Variants in CNTN2 observed in about 807,000 individuals in gnomAD.
CNTN2 encodes the protein contactin 2.
In CNTN2, 53 loss-of-function variants were observed where a neutral mutation model predicts 117.5. That is an observed-to-expected ratio of 0.45 (90% CI 0.36 to 0.57). The LOEUF (loss-of-function observed/expected upper bound fraction) is 0.57, where lower values mean the gene tolerates loss of function less well. CNTN2 is among the 20% of genes least tolerant of loss of function. The pLI, the probability that CNTN2 is intolerant of heterozygous loss-of-function variation, is 0.00. For synonymous variants in CNTN2, 530 were observed against 561.7 expected (o/e 0.94, Z 0.80); for missense variants, 1,106 against 1,404.3 (o/e 0.79, Z 3.39).
At chr1:205,067,316 A>T in intron 16 of CNTN2, 66 bp downstream of exon 16, 2 of 1,539,392 alleles carry the variant, frequency 1.3e-6, no homozygotes, top group South Asian at 2.5e-5. Flanking sequence ...CTTATAGGGA[A>T]TGCCAAGCCA....
intron 1 of CNTN2, among the ~76,000 whole-genome samples, chr1:205,051,495 G>A: frequency 6.6e-6 from 1 of 152,210 alleles, no homozygotes; most frequent in East Asian, 1.9e-4. Flanking sequence ...CGAACTGAGA[G>A]TGGCAAGGAC....
At chr1:205,066,261 A>G (rs1654283098) in intron 14 of CNTN2, 180 bp from the exon 15 acceptor site, 3 of 690,640 alleles carry the variant, frequency 4.3e-6, no homozygotes, top group East Asian at 5.5e-5. Flanking sequence ...TCCACCCAAC[A>G]ACTGGCACCC....
intron 14 of CNTN2, 94 bp downstream of exon 14, chr1:205,066,003 C>T (rs1029104655): frequency 6.9e-7 from 1 of 1,450,358 alleles, no homozygotes; most frequent in Non-Finnish European, 9.2e-7. Flanking sequence ...TCCCTTCCCT[C>T]AAAGCTGCGG....
Position 205,077,746 on chromosome 1 carries a change from C to A in CNTN2, c.*3981C>A, listed in dbSNP as rs144623146. The A allele has an allele frequency of 6.6e-6, 1 of 152,238 alleles. No individual in the cohort carries two copies. Among genetic ancestry groups the A allele is most frequent in the South Asian group, 2.1e-4 (1 of 4,834 alleles). 9.4% of individuals were successfully genotyped at this position (152,238 alleles called of 1,614,324 possible). ...CCTTTGGGGCCTATGACACTTAGTG[C>A]CCTTAGATGGGATACATCTTGCCTC... On this transcript the variant is annotated 3_prime_UTR_variant, in exon 23 of 23. Transcript: ENST00000331830.
Position 205,074,021 on chromosome 1 carries a change from G to A in CNTN2, c.*256G>A. ...TGATGACACTGACGCCTATACCTGA[G>A]CTCTAGGCTGCCTGGAGGGAAGGAA... On this transcript the variant is annotated 3_prime_UTR_variant, in exon 23 of 23. Transcript: ENST00000331830. The A allele has an allele frequency of 1.7e-6, 1 of 589,242 alleles. No individual in the cohort carries two copies. Among genetic ancestry groups the A allele is most frequent in the South Asian group, 2.2e-5 (1 of 46,306 alleles). The allele number at this position is 589,242 out of a possible 1,614,324, so 36.5% of individuals were successfully genotyped here.
Position 205,058,675 on chromosome 1 carries a change from C to A in CNTN2, c.487+12C>A, listed in dbSNP as rs989881388. On this transcript the variant is annotated intron_variant, in intron 5 of 22. Coordinates refer to ENST00000331830, the MANE Select transcript of CNTN2 (RefSeq NM_005076.5). This position sits in a 1 kb window ranked among gnomAD's most constrained non-coding sequence, Gnocchi z 4.3. ...TGCCCACTACCCAGGTGAGTCCAGA[C>A]CTGGGGCCAGGGTTAGAGAGGGCAC... 9 of 1,608,730 alleles carry A rather than the reference C, an allele frequency of 5.6e-6. No homozygotes were observed. Among genetic ancestry groups the A allele is most frequent in the South Asian group, 5.5e-5 (5 of 90,574 alleles).
chr1:205,069,579 G>A lies in CNTN2; in HGVS notation c.2196+18G>A. On this transcript the variant is annotated intron_variant, in intron 17 of 22. Transcript: ENST00000331830. ...ACTGGACGGTAAGCTGCAAGGGTCA[G>A]ATGTCCTCCTCCTCCTCCCTGACCC... 6.2e-7 allele frequency: 1 copy of A among 1,610,504 alleles called. No homozygotes were observed. The highest frequency in any genetic ancestry group is 8.5e-7 in the Non-Finnish European group (1 of 1,179,624).
Position 205,073,521 on chromosome 1 carries a change from A to T in CNTN2, c.3014-135A>T. On this transcript the variant is annotated intron_variant, in intron 22 of 22. Transcript: ENST00000331830. This position sits in a 1 kb window ranked among gnomAD's most constrained non-coding sequence, Gnocchi z 6.3. ...ACAAAGCACCGTAGGAGTCGGACTG[A>T]GAAGACCACCCAGCCGTCCGCTCCC... 1 of 824,190 alleles carries T rather than the reference A, an allele frequency of 1.2e-6. No individual in the cohort carries two copies. The highest frequency in any genetic ancestry group is 1.6e-5 in the South Asian group (1 of 61,714). The allele number at this position is 824,190 out of a possible 1,614,324, so 51.1% of individuals were successfully genotyped here. A position where few individuals can be genotyped will look rare whatever the true frequency, so the allele number is the denominator to read the frequency against.
rs1339865718 is a variant in CNTN2, at chr1:205,069,976, G to A, written c.2346G>A (p.Thr782=). 3 of 1,613,596 alleles carry A rather than the reference G, an allele frequency of 1.9e-6. No homozygotes were observed. The highest frequency in any genetic ancestry group is 2.5e-6 in the Non-Finnish European group (3 of 1,180,042). Residue 782 remains threonine (T), a synonymous_variant, in exon 18 of 23, where the codon ACG becomes ACA. Transcript: ENST00000331830. ...VYSNESVRPY[T]PFEVKIRSYN... is the part of the protein sequence containing the mutation. ...GCAACGAGAGCGTCCGGCCCTACAC[G>A]CCCTTTGAGGTCAAGATCCGCAGCT...
Position 205,062,502 on chromosome 1 carries a change from C to A in CNTN2, c.1173C>A (p.Gly391=), listed in dbSNP as rs370344142. ...RFSKLSLEDS[G]MYQCVAENKH... ...CCAAGCTGAGCCTGGAAGACTCGGG[C>A]ATGTACCAGTGTGTGGCAGAGAATA... The change falls in exon 10 of 23, where the codon GGC becomes GGA. Residue 391 remains glycine (G), a synonymous_variant. Coordinates refer to ENST00000331830, the MANE Select transcript of CNTN2 (RefSeq NM_005076.5). 3.1e-6 allele frequency: 5 copies of A among 1,613,940 alleles called. No individual in the cohort carries two copies. Among genetic ancestry groups the A allele is most frequent in the Non-Finnish European group, 4.2e-6 (5 of 1,179,988 alleles).
At position 205,077,453 on chromosome 1, in the gene CNTN2, T is replaced by A. The variant is rs1330133178; in HGVS notation, c.*3688T>A. On this transcript the variant is annotated 3_prime_UTR_variant, in exon 23 of 23. Coordinates refer to ENST00000331830, the MANE Select transcript of CNTN2 (RefSeq NM_005076.5). ...ATCCTCAAACCTGTGGCCACTGGCA[T>A]GACAGTGGTGCTCTGTCTCCCTGGG... 6.6e-6 allele frequency: 1 copy of A among 152,276 alleles called. No individual in the cohort carries two copies. Among genetic ancestry groups the A allele is most frequent in the Non-Finnish European group, 1.5e-5 (1 of 68,058 alleles). The allele number at this position is 152,276 out of a possible 1,614,324, so 9.4% of individuals were successfully genotyped here.
rs1356023933 is a variant in CNTN2 at position 205,074,926 on chromosome 1, AAG to A, written c.*1162_*1163del. ...GACTGCTTGCATTTCCCCGGAGAAA[AAG>A]GGGTTAATAAATGGGCCATCCTTTC... On this transcript the variant is annotated 3_prime_UTR_variant, in exon 23 of 23. Coordinates refer to ENST00000331830, the MANE Select transcript of CNTN2 (RefSeq NM_005076.5). The A allele has an allele frequency of 1.5e-5, 6 of 398,476 alleles. No homozygotes were observed. The highest frequency in any genetic ancestry group is 2.7e-5 in the Non-Finnish European group (6 of 226,094). The allele number at this position is 398,476 out of a possible 1,614,324, so 24.7% of individuals were successfully genotyped here.
At chr1:205,057,193 C>G (rs1178528792) in intron 2 of CNTN2, 1 of 152,216 alleles carries the variant, frequency 6.6e-6, no homozygotes, top group Admixed American at 6.5e-5. Context: ...AACTCATATT[C>G]TTTTCATTTC....
chr1:205,058,645 C>G lies in CNTN2; in HGVS notation c.469C>G (p.Pro157Ala), dbSNP rs759845635. ...CTGGGGGGTGATGTTGCCCTGTAAC[C>G]CACCTGCCCACTACCCAGGTGAGTC... is the stretch of plus-strand genomic sequence containing the variant. ...EGWGVMLPCN[P>A]PAHYPGLSYR... Residue 157 changes from proline to alanine, a missense_variant, in exon 5 of 23, where the codon CCA becomes GCA. Transcript: ENST00000331830. This position sits in a 1 kb window ranked among gnomAD's most constrained non-coding sequence, Gnocchi z 4.3. 1 of 1,613,874 alleles carries G rather than the reference C, an allele frequency of 6.2e-7. No homozygotes were observed. Among genetic ancestry groups the G allele is most frequent in the Non-Finnish European group, 8.5e-7 (1 of 1,179,940 alleles).
intron 14 of CNTN2, 61 bp from the exon 15 acceptor site, chr1:205,066,380 G>A: frequency 6.3e-7 from 1 of 1,581,080 alleles, no homozygotes; most frequent in East Asian, 2.2e-5. Flanking sequence ...GCTGGGAGGA[G>A]GTTGGCTCAA....
intron 16 of CNTN2, chr1:205,069,005 TTTTG>T (rs55919821): frequency 0.062 from 9,386 of 152,186 alleles, 351 homozygotes; most frequent in Non-Finnish European, 0.084. Flanking sequence ...AAGTAGTTTG[TTTTG>T]TTTGTTTGTT....
At position 205,069,862 on chromosome 1, in the gene CNTN2, C is replaced by T. The variant is rs866464813; in HGVS notation, c.2232C>T (p.Phe744=). ...GGGAGTACCAGAACGGAGACGGCTT[C>T]GGCTACCTGCTGTCCTTCCGCAGGC... The part of the protein sequence containing the change: ...MSREYQNGDG[F]GYLLSFRRQG... The change falls in exon 18 of 23, where the codon TTC becomes TTT. Residue 744 remains phenylalanine (F), a synonymous_variant. Coordinates refer to ENST00000331830, the MANE Select transcript of CNTN2 (RefSeq NM_005076.5). 13 of 1,613,658 alleles carry T rather than the reference C, an allele frequency of 8.1e-6. No individual in the cohort carries two copies. The highest frequency in any genetic ancestry group is 1.1e-5 in the Non-Finnish European group (13 of 1,179,980).
Position 205,059,431 on chromosome 1 carries a change from G to A in CNTN2, c.697+138G>A. 1 of 1,153,850 alleles carries A rather than the reference G, an allele frequency of 8.7e-7. No individual in the cohort carries two copies. The highest frequency in any genetic ancestry group is 1.4e-5 in the South Asian group (1 of 71,572). 71.5% of individuals were successfully genotyped at this position (1,153,850 alleles called of 1,614,324 possible). The stretch of plus-strand genomic sequence containing the variant: ...AGGCCCTGGACCCCCAGATCCTCCT[G>A]CTTCAAATCCTGAGGCCCTTGCCCC... On this transcript the variant is annotated intron_variant, in intron 6 of 22. Transcript: ENST00000331830. This position sits in a 1 kb window ranked among gnomAD's most constrained non-coding sequence, Gnocchi z 5.6.
Position 205,069,548 on chromosome 1 carries a change from T to C in CNTN2, c.2183T>C (p.Ile728Thr). Reference protein sequence around the residue: ...SGGGGAPGELIVNWTPMSREY... With the variant: ...SGGGGAPGELTVNWTPMSREY... Reference sequence around the variant, plus strand: ...GGAGGTGGAGCCCCCGGAGAGCTCATCGTCAACTGGACGGTAAGCTGCAAG... The same window carrying C: ...GGAGGTGGAGCCCCCGGAGAGCTCACCGTCAACTGGACGGTAAGCTGCAAG... The change falls in exon 17 of 23, where the codon ATC becomes ACC. Residue 728 changes from isoleucine to threonine, a missense_variant. By Grantham distance (89) the Ile-to-Thr change is moderately conservative. Transcript: ENST00000331830. 4 of 1,613,652 alleles carry C rather than the reference T, an allele frequency of 2.5e-6. No homozygotes were observed. The highest frequency in any genetic ancestry group is 3.4e-6 in the Non-Finnish European group (4 of 1,180,020).
Sources: gnomAD v4.1 joint callset for allele counts (sites outside exome capture counted in the v4.1 genomes callset) on GRCh38, gnomAD v4.1.1 for gene constraint, Gnocchi (gnomAD v3.1) non-coding constraint, MANE v1.5 for transcripts, NCBI Gene and HGNC (gene_info 2026-07-23, HGNC 2026-07-21) for gene names.